CCDC171: variants seen among roughly 807,000 people sequenced by gnomAD.
The protein encoded by CCDC171 is coiled-coil domain containing 171.
In CCDC171, 177 loss-of-function variants were observed where a neutral mutation model predicts 168.2. The ratio of observed to expected loss-of-function variants is 1.05; its 90% CI spans 0.93 to 1.19. CCDC171 has a LOEUF of 1.19. Among genes scored for constraint, CCDC171 ranks in the 50% most tolerant of loss-of-function variants. CCDC171 has a pLI of 0.00. For synonymous variants in CCDC171, 687 were observed against 540.8 expected, an observed-to-expected ratio of 1.27 and a Z score of -3.75; for missense variants, 1,991 against 1,539.0, an observed-to-expected ratio of 1.29 and a Z score of -4.91.
intron 25 of CCDC171, among the ~76,000 whole-genome samples, chr9:15,963,178 T>A (rs1163181062): frequency 6.6e-6 from 1 of 151,910 alleles, no homozygotes; most frequent in African/African-American, 2.4e-5. Flanking sequence ...CCGGGGCCTG[T>A]TGTGGGGTGC....
chr9:15,651,687 CT>C lies in CCDC171; in HGVS notation c.823-5432del, dbSNP rs375495905. ...TTGCTGCAAATGACAGCATTTCACT[CT>C]TTTTTTTATGGCCAAGTAGTATTCC... is the stretch of plus-strand genomic sequence containing the variant. On this transcript the variant is annotated intron_variant, in intron 7 of 25. Coordinates refer to ENST00000380701, the MANE Select transcript of CCDC171 (RefSeq NM_173550.4). Among the ~76,000 whole-genome samples, 169 of 151,602 alleles carry C rather than the reference CT, an allele frequency of 1.1e-3. 1 individual carries two copies. Among genetic ancestry groups the C allele is most frequent in the Middle Eastern group, 0.01 (3 of 294 alleles).
the CCDC171 span, among the ~76,000 whole-genome samples, chr9:16,074,816 A>C: frequency 6.6e-6 from 1 of 152,216 alleles, no homozygotes; most frequent in Non-Finnish European, 1.5e-5. Context: ...GTAAGGTATG[A>C]AAAATGGGCT....
intron 23 of CCDC171, among the ~76,000 whole-genome samples, chr9:15,861,217 T>C (rs112649754): frequency 1.7e-3 from 6 of 3,450 alleles, no homozygotes; most frequent in Admixed American, 5.0e-3. Flanking sequence ...TAGTTGGATC[T>C]TTTTTTTTTT....
intron 6 of CCDC171, among the ~76,000 whole-genome samples, chr9:15,599,902 C>G (rs928421587): frequency 1.3e-5 from 2 of 152,134 alleles, no homozygotes; most frequent in African/African-American, 4.8e-5. Flanking sequence ...TTCATTTGAT[C>G]TTCCATCACT....
At chr9:15,790,412 TCACACC>T (rs944095626) in intron 21 of CCDC171, among the ~76,000 whole-genome samples, 2 of 152,256 alleles carry the variant, frequency 1.3e-5, no homozygotes, top group African/African-American at 4.8e-5. Context: ...AAGTGTCTGT[TCACACC>T]CTTTGCCCAC....
chr9:15,568,957 A>G (rs2039978776), intron 2 of CCDC171, among the ~76,000 whole-genome samples: 1 of 152,212 alleles, frequency 6.6e-6, no homozygotes, highest in South Asian at 2.1e-4. Context: ...CATCTTCGTC[A>G]TGACATCTTT....
intron 7 of CCDC171, among the ~76,000 whole-genome samples, chr9:15,656,726 T>C (rs912731695): frequency 3.9e-5 from 6 of 151,980 alleles, no homozygotes; most frequent in African/African-American, 1.4e-4. Flanking sequence ...ATTACTTGGG[T>C]ATGTGGTGGG....
chr9:16,093,262 A>G, the CCDC171 span, among the ~76,000 whole-genome samples: 12 of 152,164 alleles, frequency 7.9e-5, no homozygotes, highest in African/African-American at 1.2e-4. Flanking sequence ...GCCTTCCCTC[A>G]CTGATCCTTA....
intron 24 of CCDC171, among the ~76,000 whole-genome samples, chr9:15,899,572 T>A (rs532239990): frequency 7.9e-5 from 12 of 152,344 alleles, no homozygotes; most frequent in African/African-American, 2.9e-4. Flanking sequence ...AAGTTTGCAT[T>A]TCCCTAGTGC....
intron 23 of CCDC171, among the ~76,000 whole-genome samples, chr9:15,872,574 C>T (rs1223508369): frequency 6.6e-6 from 1 of 151,904 alleles, no homozygotes; most frequent in Non-Finnish European, 1.5e-5. Flanking sequence ...AATTTTGTCA[C>T]AGAAAAAAGA....
chr9:15,883,442 C>T (rs983216158), intron 24 of CCDC171, among the ~76,000 whole-genome samples: 1 of 151,986 alleles, frequency 6.6e-6, no homozygotes, highest in African/African-American at 2.4e-5. Context: ...TAAGGTAGTG[C>T]CTTCTGTCTC....
At chr9:16,102,943 A>G in the CCDC171 span, among the ~76,000 whole-genome samples, 1 of 152,122 alleles carries the variant, frequency 6.6e-6, no homozygotes, top group Non-Finnish European at 1.5e-5. Flanking sequence ...AATCTTCTCA[A>G]TTATATTTCC....
the CCDC171 span, among the ~76,000 whole-genome samples, chr9:16,107,802 G>T: frequency 1.3e-5 from 2 of 152,102 alleles, no homozygotes; most frequent in Admixed American, 1.3e-4. Flanking sequence ...CTCAAGGTCA[G>T]GAGCCTATGT....
At chr9:15,633,433 T>G (rs907265252) in intron 7 of CCDC171, among the ~76,000 whole-genome samples, 4 of 152,294 alleles carry the variant, frequency 2.6e-5, no homozygotes, top group South Asian at 4.1e-4. Flanking sequence ...ATGCTCACCG[T>G]CACTGGCCAT....
intron 11 of CCDC171, among the ~76,000 whole-genome samples, chr9:15,710,684 C>G (rs762835076): frequency 2.0e-5 from 3 of 152,102 alleles, no homozygotes; most frequent in Non-Finnish European, 2.9e-5. Context: ...CAACCTCCAT[C>G]TCCCAGGTTC....
At chr9:15,591,768 C>T (rs551379881) in intron 5 of CCDC171, among the ~76,000 whole-genome samples, 3 of 151,884 alleles carry the variant, frequency 2.0e-5, no homozygotes, top group Admixed American at 1.3e-4. Flanking sequence ...GGTTTGCGGT[C>T]GCTAATCAAA....
chr9:16,024,477 T>C (rs1833236835), intron 6 of CCDC171, among the ~76,000 whole-genome samples: 1 of 152,164 alleles, frequency 6.6e-6, no homozygotes, highest in South Asian at 2.1e-4. Flanking sequence ...AAATGAATTA[T>C]TGGTTGTTAC....
chr9:15,875,409 A>T (rs989874485), intron 24 of CCDC171: 3 of 151,908 alleles, frequency 2.0e-5, no homozygotes, highest in African/African-American at 7.2e-5. Flanking sequence ...CCTTAAGGTT[A>T]TTTTTCTTAA....
intron 21 of CCDC171, among the ~76,000 whole-genome samples, chr9:15,813,715 A>G (rs968103934): frequency 6.6e-6 from 1 of 151,856 alleles, no homozygotes; most frequent in Admixed American, 6.6e-5. Flanking sequence ...TTATTATTTT[A>G]ATTGATGTAC....
Sources: allele counts gnomAD v4.1 joint callset (sites outside exome capture counted in the v4.1 genomes callset), GRCh38; gene constraint gnomAD v4.1.1; transcripts MANE v1.5; gene names NCBI Gene and HGNC (gene_info 2026-07-23, HGNC 2026-07-21).